Variants in XPR1 observed in about 807,000 individuals in gnomAD.
The protein encoded by XPR1 is xenotropic and polytropic retrovirus receptor 1, also known as solute carrier family 53 member 1.
A neutral mutation model predicts 87.5 loss-of-function variants in XPR1; 28 were observed. The ratio of observed to expected loss-of-function variants is 0.32; its 90% confidence interval spans 0.24 to 0.44. XPR1 has a LOEUF of 0.44. XPR1 is among the 20% of genes least tolerant of loss of function. The pLI is 1.00. For missense variants in XPR1, 559 were observed against 862.3 expected (o/e 0.65, Z 4.41); for synonymous variants, 300 against 306.1 (o/e 0.98, Z 0.21).
chr1:180,832,522 G>A (rs1651104434), intron 9 of XPR1, among the ~76,000 whole-genome samples: 1 of 152,146 alleles, frequency 6.6e-6, no homozygotes, highest in East Asian at 1.9e-4. Context: ...TATGGTTTTA[G>A]GTCTTATGTT....
At chr1:180,727,928 G>C (rs564129680) in intron 2 of XPR1, among the ~76,000 whole-genome samples, 1 of 152,128 alleles carries the variant, frequency 6.6e-6, no homozygotes, top group Non-Finnish European at 1.5e-5. Context: ...CTTGATTTTG[G>C]TCGGCTTCTT....
intron 2 of XPR1, among the ~76,000 whole-genome samples, chr1:180,694,799 A>T (rs1408463274): frequency 7.2e-6 from 1 of 138,416 alleles, no homozygotes; most frequent in Non-Finnish European, 1.6e-5. Flanking sequence ...ACACACACAC[A>T]CACACCATGT....
rs193028130 is a variant in XPR1 at position 180,659,449 on chromosome 1, T to C, written c.70-22911T>C. Among the ~76,000 whole-genome samples the C allele has an allele frequency of 1.6e-3, 183 of 115,494 alleles. 1 individual carries two copies. Among genetic ancestry groups the C allele is most frequent in the Non-Finnish European group, 2.2e-3 (124 of 57,234 alleles). 75.8% of individuals were successfully genotyped at this position (115,494 alleles called of 152,430 possible). A position where few individuals can be genotyped will look rare whatever the true frequency, so the allele number is the denominator to read the frequency against. On this transcript the variant is annotated intron_variant, in intron 1 of 14. Transcript: ENST00000367590. ...CTTCCTTCCTTCCTTCTTCCCTCCT[T>C]CTTCCCTCCCTTCCTCCCTTCCTCC...
intron 2 of XPR1, among the ~76,000 whole-genome samples, chr1:180,727,912 C>T (rs1016048661): frequency 6.6e-6 from 1 of 152,130 alleles, no homozygotes; most frequent in African/African-American, 2.4e-5. Flanking sequence ...TCACTTTCAT[C>T]GTCATCTTGA....
rs1274493856 is a variant in XPR1, at chr1:180,888,261, T to C, written c.*4195T>C. 1 of 151,962 alleles carries C rather than the reference T, an allele frequency of 6.6e-6. No individual in the cohort carries two copies. The allele number at this position is 151,962 out of a possible 1,614,324, so 9.4% of individuals were successfully genotyped here. ...AAATTTCTTATTCTAAGGAAAATAA[T>C]TAAGAAAATAACCCTATCTGTGGCA... On this transcript the variant is annotated 3_prime_UTR_variant, in exon 15 of 15. Coordinates refer to ENST00000367590, the MANE Select transcript of XPR1 (RefSeq NM_004736.4).
At chr1:180,670,088 C>T (rs909229361) in intron 1 of XPR1, among the ~76,000 whole-genome samples, 12 of 152,062 alleles carry the variant, frequency 7.9e-5, no homozygotes, top group Admixed American at 5.2e-4. Flanking sequence ...TACAAAGTAT[C>T]TATTTCCATC....
At chr1:180,699,259 A>G (rs1176401265) in intron 2 of XPR1, among the ~76,000 whole-genome samples, 1 of 117,710 alleles carries the variant, frequency 8.5e-6, no homozygotes, top group African/African-American at 3.3e-5. Context: ...ACATGTGCAC[A>G]TTGTGCAGGT....
chr1:180,745,127 T>G (rs1659047853), intron 2 of XPR1, among the ~76,000 whole-genome samples: 1 of 152,232 alleles, frequency 6.6e-6, no homozygotes, highest in South Asian at 2.1e-4. Context: ...CATAGTTTAA[T>G]TTTCAGAGTC....
At chr1:180,839,263 G>A (rs1156690836) in intron 11 of XPR1, among the ~76,000 whole-genome samples, 4 of 152,078 alleles carry the variant, frequency 2.6e-5, no homozygotes, top group Admixed American at 6.5e-5. Flanking sequence ...AATAAATAAA[G>A]CAAATAATTG....
intron 2 of XPR1, among the ~76,000 whole-genome samples, chr1:180,779,606 T>C (rs1648858597): frequency 6.6e-6 from 1 of 150,974 alleles, no homozygotes; most frequent in Non-Finnish European, 1.5e-5. Context: ...AATACAAAAA[T>C]TGGGTGTGGT....
At chr1:180,643,070 A>C (rs937401887) in intron 1 of XPR1, among the ~76,000 whole-genome samples, 2 of 152,136 alleles carry the variant, frequency 1.3e-5, no homozygotes, top group African/African-American at 4.8e-5. Flanking sequence ...AAGGGTGTGT[A>C]ATACCATTCT....
At chr1:180,724,906 A>G (rs554748950) in intron 2 of XPR1, among the ~76,000 whole-genome samples, 1 of 152,326 alleles carries the variant, frequency 6.6e-6, no homozygotes, top group South Asian at 2.1e-4. Context: ...TGGAGAATAT[A>G]TTTTTGATTC....
chr1:180,782,807 C>T (rs974087596), intron 2 of XPR1, among the ~76,000 whole-genome samples: 2 of 151,772 alleles, frequency 1.3e-5, no homozygotes, highest in Non-Finnish European at 1.5e-5. Context: ...TGTTTATATT[C>T]CTTATTTGAT....
intron 2 of XPR1, among the ~76,000 whole-genome samples, chr1:180,686,316 C>G (rs1656775245): frequency 6.6e-6 from 1 of 152,066 alleles, no homozygotes; most frequent in Non-Finnish European, 1.5e-5. Flanking sequence ...TTTCTTAATC[C>G]TGAGTTCTAG....
At chr1:180,762,056 G>T (rs535206111) in intron 2 of XPR1, among the ~76,000 whole-genome samples, 159 of 149,020 alleles carry the variant, frequency 1.1e-3, no homozygotes, top group African/African-American at 3.8e-3. Flanking sequence ...TCACTCATAG[G>T]TGGGAATCGA....
chr1:180,808,967 T>A (rs1650103567), intron 6 of XPR1, among the ~76,000 whole-genome samples: 1 of 152,206 alleles, frequency 6.6e-6, no homozygotes, highest in South Asian at 2.1e-4. Flanking sequence ...TATGTTCATA[T>A]AAAGATTTCT....
chr1:180,884,216 C>G lies in XPR1; in HGVS notation c.*150C>G. 1 of 525,124 alleles carries G rather than the reference C, an allele frequency of 1.9e-6. No homozygotes were observed. The highest frequency in any genetic ancestry group is 3.3e-6 in the Non-Finnish European group (1 of 298,538). 32.5% of individuals were successfully genotyped at this position (525,124 alleles called of 1,614,324 possible). A position where few individuals can be genotyped will look rare whatever the true frequency, so the allele number is the denominator to read the frequency against. On this transcript the variant is annotated 3_prime_UTR_variant, in exon 15 of 15. Coordinates refer to ENST00000367590, the MANE Select transcript of XPR1 (RefSeq NM_004736.4). The stretch of plus-strand genomic sequence containing the variant: ...CTTCCGGATCGGATCCTATGGACTC[C>G]AAACAAGCTCACTGTGTTTCTTTTC...
chr1:180,760,846 T>C (rs935611125), intron 2 of XPR1, among the ~76,000 whole-genome samples: 16 of 152,170 alleles, frequency 1.1e-4, no homozygotes, highest in Middle Eastern at 3.4e-3. Context: ...GGAGGCATCA[T>C]GCTACCTGAC....
intron 2 of XPR1, among the ~76,000 whole-genome samples, chr1:180,771,962 A>G (rs1278162186): frequency 3.3e-5 from 5 of 152,176 alleles, no homozygotes; most frequent in African/African-American, 1.2e-4. Context: ...TCTATTATCT[A>G]TGGATGGATC....
Sources: allele counts gnomAD v4.1 joint callset (sites outside exome capture counted in the v4.1 genomes callset), GRCh38; gene constraint gnomAD v4.1.1; transcripts MANE v1.5; gene names NCBI Gene and HGNC (gene_info 2026-07-23, HGNC 2026-07-21).